SDK1: variants seen among roughly 807,000 people sequenced by gnomAD.
SDK1 encodes sidekick cell adhesion molecule 1.
A neutral mutation model predicts 245.5 loss-of-function variants in SDK1; 157 were observed. The observed-to-expected ratio is 0.64, with a 90% CI of 0.56 to 0.73. The LOEUF is 0.73. Ranked by LOEUF, SDK1 falls within the 30% of genes least tolerant of loss-of-function variation. The pLI is 0.00. For missense variants in SDK1, 3,583 were observed against 3,002.3 expected (o/e 1.19, Z -4.52); for synonymous variants, 1,647 against 1,278.5 (o/e 1.29, Z -6.15).
chr7:4,207,151 G>A (rs1159538779), intron 36 of SDK1, among the ~76,000 whole-genome samples: 1 of 152,216 alleles, frequency 6.6e-6, no homozygotes. Flanking sequence ...TCACCAGTCA[G>A]GGCCTGCCCA....
chr7:4,219,519 T>C (rs1046711359), intron 38 of SDK1, among the ~76,000 whole-genome samples: 1 of 152,158 alleles, frequency 6.6e-6, no homozygotes, highest in African/African-American at 2.4e-5. Context: ...CCATCAGATC[T>C]CATGAGACGT....
At chr7:3,960,489 T>TCACCCTTCCAGTGCTGTGC (rs1562576104) in intron 8 of SDK1, among the ~76,000 whole-genome samples, 1 of 152,238 alleles carries the variant, frequency 6.6e-6, no homozygotes, top group Non-Finnish European at 1.5e-5. Context: ...AAATGGTGTG[T>TCACCCTTCCAGTGCTGTGC]CACCCTTCCA....
intron 22 of SDK1, among the ~76,000 whole-genome samples, chr7:4,087,464 CA>C (rs1781496256): frequency 7.7e-6 from 1 of 129,404 alleles, no homozygotes; most frequent in South Asian, 2.7e-4. Flanking sequence ...TGTGTGTGCA[CA>C]GACACACACG....
intron 4 of SDK1, among the ~76,000 whole-genome samples, chr7:3,648,984 G>T (rs1759301260): frequency 6.6e-6 from 1 of 152,188 alleles, no homozygotes; most frequent in African/African-American, 2.4e-5. Context: ...CATGGCAGTT[G>T]TTCTTCCCCT....
chr7:3,347,191 C>T (rs936106324), intron 1 of SDK1, among the ~76,000 whole-genome samples: 1 of 151,844 alleles, frequency 6.6e-6, no homozygotes, highest in African/African-American at 2.4e-5. Context: ...CCACTTCTTC[C>T]AAGAACTCTT....
intron 4 of SDK1, among the ~76,000 whole-genome samples, chr7:3,794,418 C>G (rs551741452): frequency 6.6e-6 from 1 of 152,244 alleles, no homozygotes; most frequent in South Asian, 2.1e-4. Context: ...AATGTTTATT[C>G]CCTCTGAATC....
At chr7:3,945,327 C>T (rs1780531657) in intron 5 of SDK1, among the ~76,000 whole-genome samples, 1 of 152,078 alleles carries the variant, frequency 6.6e-6, no homozygotes. Flanking sequence ...TTGACATCTC[C>T]TGGTTCATTC....
chr7:3,822,455 G>A lies in SDK1; in HGVS notation c.847+872G>A, dbSNP rs115275066. ...TTTTAAAAATTGTCTTGAAGGAATC[G>A]TTTCCCCTGCAAGTGATTTGAAAAG... On this transcript the variant is annotated intron_variant, in intron 5 of 44. Transcript: ENST00000404826. Among the ~76,000 whole-genome samples the A allele has an allele frequency of 4.1e-3, 619 of 152,204 alleles. 3 individuals carry two copies. Among genetic ancestry groups the A allele is most frequent in the African/African-American group, 0.013 (545 of 41,534 alleles).
intron 1 of SDK1, among the ~76,000 whole-genome samples, chr7:3,508,158 T>G (rs925451175): frequency 3.3e-5 from 5 of 151,606 alleles, no homozygotes; most frequent in Non-Finnish European, 5.9e-5. Context: ...AATCTCGTAA[T>G]TACCATCCAG....
intron 28 of SDK1, among the ~76,000 whole-genome samples, chr7:4,136,740 C>T (rs568441539): frequency 2.6e-5 from 4 of 152,230 alleles, no homozygotes; most frequent in Admixed American, 2.0e-4. Context: ...TGGCCAGACA[C>T]GCGGGATCCC....
intron 22 of SDK1, among the ~76,000 whole-genome samples, chr7:4,103,654 A>C (rs61542841): frequency 0.048 from 7,329 of 152,290 alleles, 600 homozygotes; most frequent in African/African-American, 0.17. Context: ...TAAATTCGTT[A>C]ATGCATTAAA....
At chr7:3,680,157 G>T (rs1031013238) in intron 4 of SDK1, among the ~76,000 whole-genome samples, 3 of 152,126 alleles carry the variant, frequency 2.0e-5, no homozygotes, top group African/African-American at 7.2e-5. Context: ...GGATCTCAGG[G>T]GCATCATGCT....
intron 1 of SDK1, among the ~76,000 whole-genome samples, chr7:3,564,546 C>T (rs1014136711): frequency 2.0e-5 from 3 of 151,492 alleles, no homozygotes; most frequent in Non-Finnish European, 2.9e-5. Context: ...TAGCTGTAGA[C>T]CAAAGAAATT....
intron 1 of SDK1, among the ~76,000 whole-genome samples, chr7:3,460,549 A>C (rs986164862): frequency 6.6e-6 from 1 of 152,210 alleles, no homozygotes; most frequent in South Asian, 2.1e-4. Flanking sequence ...AGTGTGTCAT[A>C]ATAATTTATT....
chr7:4,122,521 AG>A (rs1194536255), intron 25 of SDK1, among the ~76,000 whole-genome samples: 17 of 152,354 alleles, frequency 1.1e-4, no homozygotes, highest in Middle Eastern at 3.4e-3. Context: ...GAGAACACAC[AG>A]CAGAATGCTC....
At position 3,466,979 on chromosome 7, in the gene SDK1, TACACACACACACACACACACACAC is replaced by T. The variant is rs11269597; in HGVS notation, c.299-152073_299-152050del. Among the ~76,000 whole-genome samples the T allele has an allele frequency of 2.2e-4, 28 of 127,594 alleles. 1 individual carries two copies. In the South Asian group the frequency reaches 2.3e-3, roughly 11 times the overall value. 83.7% of individuals were successfully genotyped at this position (127,594 alleles called of 152,430 possible). ...TCGAAATCTCTCTCCTCTCTCTCTC[TACACACACACACACACACACACAC>T]ACACACACACACACACACACACACA... On this transcript the variant is annotated intron_variant, in intron 1 of 44. Transcript: ENST00000404826.
intron 1 of SDK1, among the ~76,000 whole-genome samples, chr7:3,495,074 A>ATTCCC (rs1781983318): frequency 6.6e-6 from 1 of 151,992 alleles, no homozygotes; most frequent in Non-Finnish European, 1.5e-5. Context: ...ACTCTGGGGT[A>ATTCCC]TTCCCTGTCT....
Position 3,950,926 on chromosome 7 carries a change from A to G in SDK1, c.851A>G (p.Asp284Gly), listed in dbSNP as rs747882822. ...ATTTCTCTTTTCTCTGCCACAGGAG[A>G]TGTTGGCACACCTGAAACCATGGCC... ...SPFIHLSIAR[D>G]VGTPETMAPT... is the part of the protein sequence containing the mutation. The change falls in exon 6 of 45, where the codon GAT (aspartate) becomes GGT (glycine). Residue 284 changes from aspartate (D) to glycine (G), a missense_variant. Coordinates refer to ENST00000404826, the MANE Select transcript of SDK1 (RefSeq NM_152744.4). The G allele has an allele frequency of 6.2e-7, 1 of 1,611,442 alleles. No individual in the cohort carries two copies. The highest frequency in any genetic ancestry group is 1.3e-5 in the African/African-American group (1 of 74,686).
chr7:3,526,477 G>A (rs1783137716), intron 1 of SDK1, among the ~76,000 whole-genome samples: 1 of 152,056 alleles, frequency 6.6e-6, no homozygotes, highest in African/African-American at 2.4e-5. Flanking sequence ...ATAACATATA[G>A]TTTCCATGTA....
Sources: gnomAD v4.1 joint callset for allele counts (sites outside exome capture counted in the v4.1 genomes callset) on GRCh38, gnomAD v4.1.1 for gene constraint, MANE v1.5 for transcripts, NCBI Gene and HGNC (gene_info 2026-07-23, HGNC 2026-07-21) for gene names.